Variants in PARD3 observed in about 807,000 individuals in gnomAD.
PARD3 encodes partitioning defective 3 homolog.
PARD3 carries 75 observed loss-of-function variants against 155.4 expected under a neutral mutation model. That is an observed-to-expected ratio of 0.48 (90% CI 0.40 to 0.58). The LOEUF (loss-of-function observed/expected upper bound fraction) is 0.58, where lower values mean the gene tolerates loss of function less well. Ranked by LOEUF, PARD3 falls within the 20% of genes least tolerant of loss-of-function variation. The pLI is 0.00. For synonymous variants in PARD3, 576 were observed against 610.5 expected (o/e 0.94, Z 0.83); for missense variants, 1,642 against 1,721.7 (o/e 0.95, Z 0.82).
intron 14 of PARD3, among the ~76,000 whole-genome samples, chr10:34,350,153 TAC>T (rs1186365310): frequency 6.6e-6 from 1 of 152,232 alleles, no homozygotes; most frequent in Non-Finnish European, 1.5e-5. Flanking sequence ...TGATTGGGGT[TAC>T]AGTTTTGTTT....
intron 1 of PARD3, among the ~76,000 whole-genome samples, chr10:34,743,063 T>C (rs1449424602): frequency 1.3e-5 from 2 of 152,244 alleles, no homozygotes; most frequent in African/African-American, 2.4e-5. Context: ...GAAGGCCTAA[T>C]AGTATGCACT....
intron 22 of PARD3, among the ~76,000 whole-genome samples, chr10:34,246,734 C>T (rs1297133433): frequency 2.0e-5 from 3 of 152,050 alleles, no homozygotes; most frequent in South Asian, 2.1e-4. Flanking sequence ...ATAGTACCCA[C>T]GCAGAGGAGG....
intron 11 of PARD3, among the ~76,000 whole-genome samples, chr10:34,373,870 AAT>A (rs1840948644): frequency 6.6e-6 from 1 of 151,900 alleles, no homozygotes; most frequent in African/African-American, 2.4e-5. Context: ...TAGAGAATAA[AAT>A]ATAGTTATTT....
intron 1 of PARD3, among the ~76,000 whole-genome samples, chr10:34,727,737 C>T (rs1374095744): frequency 2.0e-5 from 3 of 152,102 alleles, no homozygotes; most frequent in Non-Finnish European, 4.4e-5. Flanking sequence ...AGCCCTGTTA[C>T]GAAACCCCGG....
intron 2 of PARD3, among the ~76,000 whole-genome samples, chr10:34,601,685 T>C (rs1256048200): frequency 6.6e-6 from 1 of 152,234 alleles, no homozygotes; most frequent in African/African-American, 2.4e-5. Flanking sequence ...CCAATCCCTG[T>C]GGCACTATGG....
At chr10:34,173,430 A>T (rs939451560) in intron 22 of PARD3, among the ~76,000 whole-genome samples, 2 of 152,204 alleles carry the variant, frequency 1.3e-5, no homozygotes, top group Admixed American at 1.3e-4. Flanking sequence ...ATACAAAAAC[A>T]TCCAATGATC....
intron 2 of PARD3, among the ~76,000 whole-genome samples, chr10:34,577,795 T>C (rs1264648440): frequency 1.3e-5 from 2 of 152,188 alleles, no homozygotes; most frequent in Admixed American, 6.5e-5. Flanking sequence ...GAGGGCTTTA[T>C]GCTGACCAGG....
chr10:34,447,203 C>T (rs565949022), intron 5 of PARD3, among the ~76,000 whole-genome samples: 10 of 152,046 alleles, frequency 6.6e-5, no homozygotes, highest in South Asian at 4.2e-4. Context: ...AAAATACAGC[C>T]GGGTAGAGTG....
intron 22 of PARD3, among the ~76,000 whole-genome samples, chr10:34,261,780 GAAAAGAAAGAAAGAAA>G (rs1955003634): frequency 4.2e-5 from 2 of 47,576 alleles, no homozygotes. Context: ...AAGAAAGAAA[GAAAAGAAAGAAAGAAA>G]GAAAGAAAGA....
intron 11 of PARD3, among the ~76,000 whole-genome samples, chr10:34,374,634 T>C (rs531363972): frequency 6.6e-6 from 1 of 152,304 alleles, no homozygotes; most frequent in African/African-American, 2.4e-5. Context: ...TTTGATGCCC[T>C]TGAAAATATC....
chr10:34,576,331 T>G (rs2086885544), intron 2 of PARD3, among the ~76,000 whole-genome samples: 1 of 152,210 alleles, frequency 6.6e-6, no homozygotes, highest in South Asian at 2.1e-4. Context: ...GCTGTCTGCT[T>G]GCTTGTGCAT....
intron 19 of PARD3, among the ~76,000 whole-genome samples, chr10:34,324,550 T>G (rs1197862844): frequency 6.6e-6 from 1 of 152,150 alleles, no homozygotes; most frequent in Non-Finnish European, 1.5e-5. Flanking sequence ...AGAAGGTGAC[T>G]GCAGAGCTCA....
At chr10:34,143,329 C>CA (rs1948295710) in intron 22 of PARD3, among the ~76,000 whole-genome samples, 1 of 151,820 alleles carries the variant, frequency 6.6e-6, no homozygotes, top group Non-Finnish European at 1.5e-5. Flanking sequence ...ACAACAACAA[C>CA]AAAAAACTGA....
At chr10:34,809,426 C>T (rs561814652) in intron 1 of PARD3, among the ~76,000 whole-genome samples, 3 of 152,266 alleles carry the variant, frequency 2.0e-5, no homozygotes, top group Admixed American at 2.0e-4. Flanking sequence ...GAGCTACACC[C>T]AGGACGTCCC....
At chr10:34,626,106 T>C (rs1234328768) in intron 2 of PARD3, among the ~76,000 whole-genome samples, 1 of 152,164 alleles carries the variant, frequency 6.6e-6, no homozygotes, top group African/African-American at 2.4e-5. Flanking sequence ...TGGCTTGTGT[T>C]CAAGGGTCAT....
At chr10:34,685,794 A>C (rs962025025) in intron 2 of PARD3, among the ~76,000 whole-genome samples, 1 of 152,084 alleles carries the variant, frequency 6.6e-6, no homozygotes, top group Non-Finnish European at 1.5e-5. Context: ...GGGTTTCACC[A>C]TGTTGGCCAG....
In PARD3 at chr10:34,479,301, A is replaced by G. The variant is rs375656894; in HGVS notation, c.404-9038T>C. On this transcript the variant is annotated intron_variant, in intron 3 of 24. Coordinates refer to ENST00000374788, the MANE Select transcript of PARD3 (RefSeq NM_001184785.2). ...CTCAGCCTCCCGAGTAGCTGGGACT[A>G]CAGGCGCCTGCCACCACGCCCGGCT... 3.9e-3 allele frequency among the ~76,000 whole-genome samples: 596 copies of G among 151,612 alleles called. 3 individuals carry two copies. Among genetic ancestry groups the G allele is most frequent in the African/African-American group, 0.014 (561 of 41,296 alleles).
chr10:34,746,225 T>C (rs1835311229), intron 1 of PARD3, among the ~76,000 whole-genome samples: 1 of 152,004 alleles, frequency 6.6e-6, no homozygotes, highest in South Asian at 2.1e-4. Flanking sequence ...GGAGGATCAC[T>C]TGAGGCCAGG....
intron 1 of PARD3, among the ~76,000 whole-genome samples, chr10:34,771,076 C>G (rs562228598): frequency 6.6e-6 from 1 of 152,286 alleles, no homozygotes; most frequent in South Asian, 2.1e-4. Context: ...AGGAAGAATA[C>G]CAACCTAGTA....
Sources: allele counts gnomAD v4.1 joint callset (sites outside exome capture counted in the v4.1 genomes callset), GRCh38; gene constraint gnomAD v4.1.1; transcripts MANE v1.5; gene names NCBI Gene and HGNC (gene_info 2026-07-23, HGNC 2026-07-21).